Variants in GLT1D1 observed in about 807,000 individuals in gnomAD.
GLT1D1 encodes the protein glycosyltransferase 1 domain containing 1.
In GLT1D1, 21 loss-of-function variants were observed where a neutral mutation model predicts 28.7. That is an observed-to-expected ratio of 0.73 (90% CI 0.52 to 1.05). GLT1D1 has a LOEUF of 1.05. Ranked by LOEUF, GLT1D1 falls within the 50% of genes least tolerant of loss-of-function variation. The pLI, the probability that GLT1D1 is intolerant of heterozygous loss-of-function variation, is 0.00. For synonymous variants in GLT1D1, 147 were observed against 124.8 expected (o/e 1.18, Z -1.19); for missense variants, 343 against 330.6 (o/e 1.04, Z -0.29).
chr12:128,945,221 G>A (rs2135489474), intron 4 of GLT1D1, 105 bp from the exon 9 acceptor site: 6 of 1,179,510 alleles, frequency 5.1e-6, no homozygotes, highest in South Asian at 1.2e-5. Flanking sequence ...GCAGACCGAG[G>A]CCCACGCCGC....
chr12:128,970,182 C>A (rs1028567698), intron 7 of GLT1D1, among the ~76,000 whole-genome samples: 2 of 152,144 alleles, frequency 1.3e-5, no homozygotes, highest in East Asian at 3.9e-4. Flanking sequence ...TGTGGAGGAC[C>A]CCGGTGGGCT....
chr12:128,873,503 C>A (rs1956751455), intron 1 of GLT1D1, among the ~76,000 whole-genome samples: 1 of 152,108 alleles, frequency 6.6e-6, no homozygotes, highest in African/African-American at 2.4e-5. Context: ...CATGCTTTTG[C>A]ACATATATCC....
At chr12:128,958,049 G>A (rs1877477763) in intron 7 of GLT1D1, among the ~76,000 whole-genome samples, 1 of 152,262 alleles carries the variant, frequency 6.6e-6, no homozygotes, top group Non-Finnish European at 1.5e-5. Context: ...CAGGGTTCTT[G>A]TGTAAATACA....
intron 1 of GLT1D1, among the ~76,000 whole-genome samples, chr12:128,858,669 T>TC (rs1030211380): frequency 3.5e-5 from 5 of 142,206 alleles, no homozygotes; most frequent in African/African-American, 1.4e-4. Context: ...GGACTCAGTC[T>TC]CAAAAAAAAA....
intron 1 of GLT1D1, among the ~76,000 whole-genome samples, chr12:128,867,934 G>A (rs1956588946): frequency 6.6e-6 from 1 of 152,198 alleles, no homozygotes; most frequent in Non-Finnish European, 1.5e-5. Flanking sequence ...GATGGATTGT[G>A]TATAAACTAA....
chr12:128,908,374 T>TTTCTTTTCTTTC (rs1871133877), intron 4 of GLT1D1, among the ~76,000 whole-genome samples: 5 of 42,796 alleles, frequency 1.2e-4, no homozygotes, highest in Non-Finnish European at 2.9e-4. Context: ...TCTTTCTTTC[T>TTTCTTTTCTTTC]TTTCTTTCTC....
chr12:128,954,186 C>T (rs373543113), intron 6 of GLT1D1, among the ~76,000 whole-genome samples: 33 of 151,436 alleles, frequency 2.2e-4, no homozygotes, highest in African/African-American at 5.1e-4. Flanking sequence ...TGCAATGGCG[C>T]GATCTCGGCT....
intron 6 of GLT1D1, among the ~76,000 whole-genome samples, chr12:128,950,423 C>T (rs764139955): frequency 1.3e-5 from 2 of 152,172 alleles, no homozygotes; most frequent in African/African-American, 2.4e-5. Context: ...GCTGTGGGCA[C>T]GTGTAGCCCA....
chr12:128,937,125 G>A lies in GLT1D1; in HGVS notation c.376-8201G>A, dbSNP rs187056274. Among the ~76,000 whole-genome samples the A allele has an allele frequency of 8.1e-3, 1,237 of 152,264 alleles. 22 individuals carry two copies. The highest frequency in any genetic ancestry group is 0.028 in the African/African-American group (1,182 of 41,536). On this transcript the variant is annotated intron_variant, in intron 4 of 7. Coordinates refer to ENST00000281703, the MANE Select transcript of GLT1D1 (RefSeq NM_144669.3). The stretch of plus-strand genomic sequence containing the variant: ...CAGAGGCATGCTAATAAAATTAAAA[G>A]TAAGAGAAATTCCTAACTAAAAATA...
Position 128,882,421 on chromosome 12 carries a change from C to A in GLT1D1, c.218-6218C>A, listed in dbSNP as rs964175983. ...CCTCTCGAGTAGCTGGGATTATAGG[C>A]GCCCACCACCATGCCCTGCTAATTT... On this transcript the variant is annotated intron_variant, in intron 2 of 7. Transcript: ENST00000281703. Among the ~76,000 whole-genome samples the A allele has an allele frequency of 2.6e-5, 4 of 151,784 alleles. No homozygotes were observed. The South Asian group carries it at 8.3e-4, about 32-fold the overall frequency.
At chr12:128,901,366 C>T (rs961358072) in intron 4 of GLT1D1, among the ~76,000 whole-genome samples, 1 of 152,112 alleles carries the variant, frequency 6.6e-6, no homozygotes, top group Non-Finnish European at 1.5e-5. Flanking sequence ...GTGATCTGCC[C>T]TCCTCAGCCT....
intron 6 of GLT1D1, among the ~76,000 whole-genome samples, chr12:128,956,171 A>AAAAAAAAAAAAAAAAAAAAAAAAAAAAAG (rs374597920): frequency 1.7e-4 from 11 of 63,982 alleles, no homozygotes; most frequent in Admixed American, 4.2e-4. Context: ...AAAAAAAAAA[A>AAAAAAAAAAAAAAAAAAAAAAAAAAAAAG]AGAGAAAGAG....
chr12:128,956,153 C>T (rs1459317823), intron 6 of GLT1D1, among the ~76,000 whole-genome samples: 14 of 260 alleles, frequency 0.054, no homozygotes, highest in Admixed American at 0.19. Flanking sequence ...AGCGAGACTC[C>T]ATCTCAAAAA....
intron 7 of GLT1D1, among the ~76,000 whole-genome samples, chr12:128,963,752 C>G (rs1402742919): frequency 3.9e-5 from 6 of 152,186 alleles, no homozygotes; most frequent in Non-Finnish European, 7.3e-5. Flanking sequence ...GGAGTTCTTA[C>G]TATGTGCCCA....
At chr12:128,879,509 G>A (rs1025151093) in intron 2 of GLT1D1, among the ~76,000 whole-genome samples, 17 of 149,054 alleles carry the variant, frequency 1.1e-4, no homozygotes, top group South Asian at 2.1e-4. Flanking sequence ...AGGCTGGAGT[G>A]CAGTGGCATG....
chr12:128,906,929 C>T (rs1870938010), intron 4 of GLT1D1: 2 of 702,446 alleles, frequency 2.8e-6, no homozygotes, highest in Non-Finnish European at 2.6e-6. Flanking sequence ...ATCTCATTGG[C>T]TGTCACAAGT....
At chr12:128,972,171 T>G (rs1879245901) in intron 7 of GLT1D1, among the ~76,000 whole-genome samples, 1 of 152,116 alleles carries the variant, frequency 6.6e-6, no homozygotes, top group Admixed American at 6.5e-5. Flanking sequence ...GCTGCTCTAA[T>G]GGGCCCCATC....
chr12:128,893,222 G>A (rs1869261113), intron 3 of GLT1D1, among the ~76,000 whole-genome samples: 1 of 152,172 alleles, frequency 6.6e-6, no homozygotes, highest in African/African-American at 2.4e-5. Context: ...TGCAGCCTGG[G>A]TGAAAGAGGG....
At chr12:128,942,340 G>A (rs1875386751) in intron 4 of GLT1D1, among the ~76,000 whole-genome samples, 1 of 152,032 alleles carries the variant, frequency 6.6e-6, no homozygotes, top group Non-Finnish European at 1.5e-5. Flanking sequence ...ATTTAAATAA[G>A]GCATTATAGA....
Sources: allele counts gnomAD v4.1 joint callset (sites outside exome capture counted in the v4.1 genomes callset), GRCh38; gene constraint gnomAD v4.1.1; transcripts MANE v1.5; gene names NCBI Gene and HGNC (gene_info 2026-07-23, HGNC 2026-07-21).